The following AGMO variants were observed in gnomAD, a reference collection of about 807,000 sequenced individuals.
AGMO encodes glyceryl-ether monooxygenase.
A neutral mutation model predicts 60.2 loss-of-function variants in AGMO; 75 were observed. The observed-to-expected ratio is 1.25, with a 90% CI of 1.03 to 1.51. The LOEUF (loss-of-function observed/expected upper bound fraction) is 1.51, where lower values mean the gene tolerates loss of function less well. Among genes scored for constraint, AGMO ranks in the 40% most tolerant of loss-of-function variants. The pLI, the probability that AGMO is intolerant of heterozygous loss-of-function variation, is 0.00. For synonymous variants in AGMO, 261 were observed against 177.1 expected (o/e 1.47, Z -3.76); for missense variants, 763 against 525.5 (o/e 1.45, Z -4.42).
At chr7:15,382,706 TA>T (rs1262559119) in intron 10 of AGMO, among the ~76,000 whole-genome samples, 1 of 152,156 alleles carries the variant, frequency 6.6e-6, no homozygotes, top group Non-Finnish European at 1.5e-5. Context: ...ACTGCTGAAG[TA>T]ATCAATCCTG....
chr7:15,545,176 T>G (rs900151242), intron 2 of AGMO, among the ~76,000 whole-genome samples: 4 of 152,128 alleles, frequency 2.6e-5, no homozygotes, highest in African/African-American at 9.7e-5. Context: ...TCATGAAATT[T>G]AAAAGGCCAT....
downstream of AGMO, among the ~76,000 whole-genome samples, chr7:15,195,322 TTTTTCC>T (rs1353258196): frequency 6.6e-6 from 1 of 152,096 alleles, no homozygotes. Context: ...GAGAATAGCT[TTTTTCC>T]TTGCAGGGAG....
At chr7:15,248,468 T>C (rs564499310) in intron 12 of AGMO, among the ~76,000 whole-genome samples, 2 of 151,994 alleles carry the variant, frequency 1.3e-5, no homozygotes, top group South Asian at 2.1e-4. Context: ...TTTCTATTCA[T>C]TGGGAATATC....
At chr7:15,159,220 T>G in the AGMO span, among the ~76,000 whole-genome samples, 1 of 152,172 alleles carries the variant, frequency 6.6e-6, no homozygotes, top group Admixed American at 6.5e-5. Flanking sequence ...TTAAAATATA[T>G]TTTTAGTTAT....
At chr7:15,354,283 G>T (rs192606051) in intron 12 of AGMO, among the ~76,000 whole-genome samples, 3 of 115,536 alleles carry the variant, frequency 2.6e-5, no homozygotes, top group Admixed American at 1.8e-4. Context: ...TGTATATCAC[G>T]AATGAGATAA....
intron 12 of AGMO, among the ~76,000 whole-genome samples, chr7:15,345,848 C>T (rs927023963): frequency 6.6e-6 from 1 of 152,054 alleles, no homozygotes; most frequent in African/African-American, 2.4e-5. Context: ...TTCCTCATTA[C>T]TACAATAACA....
At chr7:15,483,394 G>A (rs960108371) in intron 3 of AGMO, among the ~76,000 whole-genome samples, 3 of 145,298 alleles carry the variant, frequency 2.1e-5, no homozygotes, top group Admixed American at 7.1e-5. Context: ...GTGAAACCCC[G>A]TCTCTACTAA....
intron 12 of AGMO, among the ~76,000 whole-genome samples, chr7:15,360,014 G>C (rs1194359427): frequency 6.6e-6 from 1 of 152,162 alleles, no homozygotes; most frequent in East Asian, 1.9e-4. Flanking sequence ...GTAATTATAG[G>C]AGTGGTAATG....
intron 3 of AGMO, among the ~76,000 whole-genome samples, chr7:15,528,432 T>A (rs1466235790): frequency 1.3e-5 from 2 of 152,054 alleles, no homozygotes; most frequent in East Asian, 1.9e-4. Flanking sequence ...TACATAATAT[T>A]ATATATTATA....
the AGMO span, among the ~76,000 whole-genome samples, chr7:15,150,086 T>C: frequency 6.6e-6 from 1 of 152,090 alleles, no homozygotes; most frequent in Admixed American, 6.6e-5. Context: ...CATTCTTGAT[T>C]TGGCCCTCAG....
At chr7:15,449,325 C>T (rs923909668) in intron 3 of AGMO, among the ~76,000 whole-genome samples, 8 of 87,040 alleles carry the variant, frequency 9.2e-5, no homozygotes, top group Non-Finnish European at 2.0e-4. Context: ...ATTAAGAGTG[C>T]TTCTCTTTCT....
chr7:15,422,194 T>C (rs530355304), intron 4 of AGMO, among the ~76,000 whole-genome samples: 8 of 152,262 alleles, frequency 5.3e-5, no homozygotes, highest in Admixed American at 2.6e-4. Context: ...ATTACCTCTA[T>C]GTTTCTCTGA....
chr7:15,383,648 A>G (rs1412377776), intron 10 of AGMO, among the ~76,000 whole-genome samples: 1 of 152,094 alleles, frequency 6.6e-6, no homozygotes, highest in Non-Finnish European at 1.5e-5. Context: ...TTCATTTTTC[A>G]GCATATATTA....
At chr7:15,361,954 T>C (rs970782147) in intron 12 of AGMO, among the ~76,000 whole-genome samples, 6 of 152,134 alleles carry the variant, frequency 3.9e-5, no homozygotes, top group African/African-American at 1.4e-4. Context: ...CATTGATTTA[T>C]ATTATAGGAG....
intron 5 of AGMO, among the ~76,000 whole-genome samples, chr7:15,416,743 C>T (rs532536578): frequency 2.7e-4 from 41 of 152,224 alleles, no homozygotes; most frequent in South Asian, 6.2e-4. Context: ...GGGTTTCATA[C>T]AATTTACAGT....
At chr7:15,155,419 CTTTTTTTTTTTTTTTT>C in the AGMO span, among the ~76,000 whole-genome samples, 9 of 63,914 alleles carry the variant, frequency 1.4e-4, no homozygotes, top group Admixed American at 1.2e-3. Context: ...TACAGAATTT[CTTTTTTTTTTTTTTTT>C]TTTTTTTTTT....
At chr7:15,490,525 T>C (rs1783042062) in intron 3 of AGMO, among the ~76,000 whole-genome samples, 1 of 152,100 alleles carries the variant, frequency 6.6e-6, no homozygotes, top group African/African-American at 2.4e-5. Context: ...CTTAAGTGTG[T>C]TGGGATTATT....
chr7:15,326,510 C>T (rs1781343585), intron 12 of AGMO, among the ~76,000 whole-genome samples: 2 of 152,162 alleles, frequency 1.3e-5, no homozygotes, highest in Non-Finnish European at 2.9e-5. Flanking sequence ...TTTGGGAAGG[C>T]CTCTCAAGGA....
At chr7:15,278,640 G>T (rs1237298168) in intron 12 of AGMO, among the ~76,000 whole-genome samples, 1 of 152,200 alleles carries the variant, frequency 6.6e-6, no homozygotes, top group African/African-American at 2.4e-5. Flanking sequence ...TGGCAGCTGT[G>T]TAATACACAG....
Sources: gnomAD v4.1 joint callset for allele counts (sites outside exome capture counted in the v4.1 genomes callset) on GRCh38, gnomAD v4.1.1 for gene constraint, MANE v1.5 for transcripts, NCBI Gene and HGNC (gene_info 2026-07-23, HGNC 2026-07-21) for gene names.